Variants in SH3GL2 observed in about 807,000 individuals in gnomAD.
SH3GL2 encodes endophilin-A1.
Under a neutral mutation model 46.0 loss-of-function variants are expected in SH3GL2, and 24 were observed. The ratio of observed to expected loss-of-function variants is 0.52; its 90% CI spans 0.38 to 0.73. SH3GL2 has a LOEUF of 0.73. Ranked by LOEUF, SH3GL2 falls within the 30% of genes least tolerant of loss-of-function variation. The pLI is 0.00. For missense variants in SH3GL2, 413 were observed against 424.2 expected (o/e 0.97, Z 0.23); for synonymous variants, 196 against 147.1 (o/e 1.33, Z -2.40).
chr9:17,666,578 G>GTGTGTGTGTA (rs144961549), intron 1 of SH3GL2, among the ~76,000 whole-genome samples: 120 of 148,234 alleles, frequency 8.1e-4, no homozygotes, highest in Non-Finnish European at 1.3e-3. Flanking sequence ...GTGTGTGTGT[G>GTGTGTGTGTA]TATATACATT....
intron 1 of SH3GL2, among the ~76,000 whole-genome samples, chr9:17,713,435 C>G (rs1007644237): frequency 6.0e-5 from 9 of 150,448 alleles, no homozygotes; most frequent in African/African-American, 2.0e-4. Flanking sequence ...TATTTCCTTT[C>G]TTCTGCTTGC....
chr9:17,772,939 A>G (rs922384149), intron 3 of SH3GL2, among the ~76,000 whole-genome samples: 2 of 152,086 alleles, frequency 1.3e-5, no homozygotes, highest in African/African-American at 4.8e-5. Flanking sequence ...ACAGCATTTT[A>G]CTTTCTCACC....
intron 3 of SH3GL2, among the ~76,000 whole-genome samples, chr9:17,762,908 A>T (rs1385318331): frequency 6.6e-6 from 1 of 152,186 alleles, no homozygotes; most frequent in Non-Finnish European, 1.5e-5. Context: ...GCAAGAAATC[A>T]TTATATAGGG....
intron 2 of SH3GL2, among the ~76,000 whole-genome samples, chr9:17,749,907 TAGA>T (rs1822797281): frequency 6.6e-6 from 1 of 152,226 alleles, no homozygotes; most frequent in African/African-American, 2.4e-5. Context: ...TTTCAAAATA[TAGA>T]TACTCCTGCA....
At chr9:17,632,694 G>A (rs1819459416) in intron 1 of SH3GL2, among the ~76,000 whole-genome samples, 1 of 152,072 alleles carries the variant, frequency 6.6e-6, no homozygotes, top group Non-Finnish European at 1.5e-5. Context: ...TATACTTGTA[G>A]AAATAGTTTT....
rs189763796 is a variant in SH3GL2 at position 17,735,497 on chromosome 9, G to A, written c.46-11569G>A. On this transcript the variant is annotated intron_variant, in intron 1 of 8. Coordinates refer to ENST00000380607, the MANE Select transcript of SH3GL2 (RefSeq NM_003026.5). ...TGAACAATACTTACTTGAACTGTGGGGTCCACTTATACATGAATTTTTTTT... is the reference window on the plus strand; with the variant it reads ...TGAACAATACTTACTTGAACTGTGGAGTCCACTTATACATGAATTTTTTTT... 2.2e-3 allele frequency among the ~76,000 whole-genome samples: 336 copies of A among 151,980 alleles called. 2 individuals are homozygous for A. Among genetic ancestry groups the A allele is most frequent in the African/African-American group, 7.7e-3 (320 of 41,490 alleles).
chr9:17,754,629 C>T (rs892155938), intron 2 of SH3GL2, among the ~76,000 whole-genome samples: 31 of 152,226 alleles, frequency 2.0e-4, no homozygotes, highest in Admixed American at 7.2e-4. Context: ...GCCGAGATCA[C>T]GCCACTGTAC....
intron 1 of SH3GL2, among the ~76,000 whole-genome samples, chr9:17,739,123 G>T (rs1251781055): frequency 1.3e-5 from 2 of 152,078 alleles, no homozygotes; most frequent in Non-Finnish European, 2.9e-5. Context: ...GCCCAGGGTA[G>T]TTTGTAGTTT....
chr9:17,753,054 C>T (rs111671047), intron 2 of SH3GL2, among the ~76,000 whole-genome samples: 1 of 152,174 alleles, frequency 6.6e-6, no homozygotes, highest in African/African-American at 2.4e-5. Context: ...TCTTTTATGG[C>T]TGCATAGTAT....
intron 1 of SH3GL2, among the ~76,000 whole-genome samples, chr9:17,622,997 T>G (rs533470747): frequency 0.02 from 1,583 of 80,730 alleles, 21 homozygotes; most frequent in Middle Eastern, 0.029. Context: ...TTTCCTTTCC[T>G]TTCCTTTCCT....
intron 1 of SH3GL2, among the ~76,000 whole-genome samples, chr9:17,726,843 A>G (rs1822032594): frequency 6.6e-6 from 1 of 152,142 alleles, no homozygotes; most frequent in African/African-American, 2.4e-5. Context: ...ATTTTGGTAA[A>G]CTGCAGATAG....
intron 3 of SH3GL2, among the ~76,000 whole-genome samples, chr9:17,772,761 T>C (rs934305275): frequency 4.6e-5 from 7 of 152,224 alleles, no homozygotes; most frequent in African/African-American, 1.7e-4. Flanking sequence ...ACAACTGAGT[T>C]GCTTTCACAT....
intron 1 of SH3GL2, among the ~76,000 whole-genome samples, chr9:17,744,272 G>C (rs1457866997): frequency 1.3e-5 from 2 of 152,120 alleles, no homozygotes; most frequent in Non-Finnish European, 2.9e-5. Flanking sequence ...AATTGGTTTG[G>C]TGATAGGGAC....
At chr9:17,655,142 A>G (rs961581128) in intron 1 of SH3GL2, among the ~76,000 whole-genome samples, 8 of 152,302 alleles carry the variant, frequency 5.3e-5, no homozygotes, top group African/African-American at 1.9e-4. Context: ...AGGGTCCATA[A>G]GTGGAAAGCT....
intron 1 of SH3GL2, among the ~76,000 whole-genome samples, chr9:17,584,683 G>A (rs539859029): frequency 6.6e-6 from 1 of 152,238 alleles, no homozygotes; most frequent in African/African-American, 2.4e-5. Flanking sequence ...GATTGAATGA[G>A]GTAATGCTTG....
intron 3 of SH3GL2, among the ~76,000 whole-genome samples, chr9:17,764,445 C>G (rs1382462664): frequency 2.0e-5 from 3 of 152,206 alleles, no homozygotes; most frequent in African/African-American, 7.2e-5. Context: ...TGTTCCCAAA[C>G]TCGTGCAGTT....
intron 1 of SH3GL2, among the ~76,000 whole-genome samples, chr9:17,646,597 T>C (rs1023760887): frequency 6.6e-6 from 1 of 152,208 alleles, no homozygotes; most frequent in African/African-American, 2.4e-5. Flanking sequence ...ATACTATTGC[T>C]TTCTGTTTGT....
rs568334189 is a variant in SH3GL2 at position 17,604,385 on chromosome 9, AG to A, written c.45+25099del. On this transcript the variant is annotated intron_variant, in intron 1 of 8. Coordinates refer to ENST00000380607, the MANE Select transcript of SH3GL2 (RefSeq NM_003026.5). ...ATGAGGTTGTTATGGGGATTAACTG[AG>A]TGAATGCATTTTAGGTGCTTAGCAT... 2.8e-3 allele frequency among the ~76,000 whole-genome samples: 424 copies of A among 152,308 alleles called. 6 individuals are homozygous for A. The highest frequency in any genetic ancestry group is 9.9e-3 in the African/African-American group (410 of 41,572).
At chr9:17,768,969 C>G (rs572512972) in intron 3 of SH3GL2, among the ~76,000 whole-genome samples, 25 of 152,324 alleles carry the variant, frequency 1.6e-4, no homozygotes, top group African/African-American at 4.8e-4. Flanking sequence ...CCATCTCGCT[C>G]CTTCTGAGCT....
Sources: allele counts gnomAD v4.1 joint callset (sites outside exome capture counted in the v4.1 genomes callset), GRCh38; gene constraint gnomAD v4.1.1; transcripts MANE v1.5; gene names NCBI Gene and HGNC (gene_info 2026-07-23, HGNC 2026-07-21).